Variants in RBM44 observed in about 807,000 individuals in gnomAD.
RBM44 encodes the protein RNA-binding protein 44.
In RBM44, 66 loss-of-function variants were observed where a neutral mutation model predicts 105.1. The ratio of observed to expected loss-of-function variants is 0.63; its 90% confidence interval spans 0.52 to 0.77. The LOEUF (loss-of-function observed/expected upper bound fraction) is 0.77. RBM44 is among the 30% of genes least tolerant of loss of function. The probability of loss-of-function intolerance (pLI) is 0.00; values close to 1 mark genes in which losing one functional copy is unlikely to be tolerated. For synonymous variants in RBM44, 365 were observed against 417.6 expected, an observed-to-expected ratio of 0.87 and a Z score of 1.54; for missense variants, 1,122 against 1,207.8, an observed-to-expected ratio of 0.93 and a Z score of 1.05.
At chr2:237,838,476 G>A (rs1287840447) in intron 15 of RBM44, among the ~76,000 whole-genome samples, 1 of 150,486 alleles carries the variant, frequency 6.6e-6, no homozygotes, top group Non-Finnish European at 1.5e-5. Context: ...TAAATATGTG[G>A]TAGGTCTCAA....
chr2:237,821,886 A>G, intron 8 of RBM44, 59 bp downstream of exon 8: 1 of 1,167,418 alleles, frequency 8.6e-7, no homozygotes, highest in Admixed American at 2.0e-5. Flanking sequence ...TACGTAAAGT[A>G]AATCATAATT....
intron 10 of RBM44, among the ~76,000 whole-genome samples, chr2:237,826,629 T>G (rs1398022240): frequency 6.6e-6 from 1 of 152,176 alleles, no homozygotes; most frequent in African/African-American, 2.4e-5. Context: ...GCATTAACAC[T>G]AGGGAGTTAA....
intron 13 of RBM44, among the ~76,000 whole-genome samples, chr2:237,833,632 C>A (rs1288155711): frequency 6.6e-6 from 1 of 152,142 alleles, no homozygotes; most frequent in African/African-American, 2.4e-5. Context: ...ATGAATGAAT[C>A]TCTCTCCTGT....
chr2:237,813,362 G>A (rs998891934), intron 1 of RBM44, among the ~76,000 whole-genome samples: 1 of 152,112 alleles, frequency 6.6e-6, no homozygotes, highest in Non-Finnish European at 1.5e-5. Context: ...TTTAGTAAGT[G>A]TACAAATTGT....
In RBM44 at chr2:237,834,101, G is replaced by A; in HGVS notation, c.2991G>A (p.Lys997=). ...PNTLNLRSFT[K]IIKRLAELHP... Reference sequence around the variant, plus strand: ...CATTGAACCTTCGTAGCTTTACCAAGATCATAAAGAGACTGGCTGAACTGC... The same window carrying A: ...CATTGAACCTTCGTAGCTTTACCAAAATCATAAAGAGACTGGCTGAACTGC... The change falls in exon 14 of 16, where the codon AAG becomes AAA. Residue 997 remains lysine (K), a synonymous_variant. Transcript: ENST00000316997. 1 of 1,581,508 alleles carries A rather than the reference G, an allele frequency of 6.3e-7. No homozygotes were observed. The highest frequency in any genetic ancestry group is 8.6e-7 in the Non-Finnish European group (1 of 1,161,918).
intron 10 of RBM44, 132 bp downstream of exon 10, chr2:237,824,551 A>G: frequency 2.8e-6 from 2 of 720,920 alleles, no homozygotes; most frequent in Admixed American, 6.4e-5. Flanking sequence ...TTCTTTATAA[A>G]TAAAAAAAGT....
Position 237,829,464 on chromosome 2 carries a change from G to T in RBM44, c.2848G>T (p.Gly950Cys). The T allele has an allele frequency of 4.3e-6, 7 of 1,613,584 alleles. No individual in the cohort carries two copies. The highest frequency in any genetic ancestry group is 5.9e-6 in the Non-Finnish European group (7 of 1,179,648). The change falls in exon 13 of 16, where the codon GGT (glycine) becomes TGT (cysteine). Residue 950 changes from glycine to cysteine, a missense_variant. By Grantham distance (159) the Gly-to-Cys change is radical. Transcript: ENST00000316997. ...GCCCAGAACTAGGCCACGGCAGCTGGGTTCTGAGCAAGACAGTGAGGTTTT... is the reference window on the plus strand; with the variant it reads ...GCCCAGAACTAGGCCACGGCAGCTGTGTTCTGAGCAAGACAGTGAGGTTTT... ...RLPRTRPRQLGSEQDSEVFPS... is the reference protein window; with the variant it reads ...RLPRTRPRQLCSEQDSEVFPS...
chr2:237,836,553 G>T (rs74381061), intron 15 of RBM44, among the ~76,000 whole-genome samples: 1 of 152,060 alleles, frequency 6.6e-6, no homozygotes, highest in Non-Finnish European at 1.5e-5. Context: ...AGGCCGAGGC[G>T]GGTGGATCAC....
chr2:237,838,641 G>T (rs2061981878), intron 15 of RBM44, among the ~76,000 whole-genome samples: 2 of 152,180 alleles, frequency 1.3e-5, no homozygotes, highest in South Asian at 2.1e-4. Context: ...CTGTGTTGGG[G>T]GTACTCAAGA....
chr2:237,803,245 C>T lies in RBM44; in HGVS notation c.-19+4384C>T, dbSNP rs1034090403. On this transcript the variant is annotated intron_variant, in intron 1 of 15. Coordinates refer to ENST00000316997, the MANE Select transcript of RBM44 (RefSeq NM_001080504.3). The surrounding 1 kb of genome is among the most constrained non-coding windows in gnomAD (Gnocchi z 4.2). The stretch of plus-strand genomic sequence containing the variant: ...TCACACCACTGCACTCCAGCCTGGG[C>T]GACAGAGCGAGACACACACACACAC... 1.3e-5 allele frequency among the ~76,000 whole-genome samples: 2 copies of T among 151,224 alleles called. No individual in the cohort carries two copies. The highest frequency in any genetic ancestry group is 2.9e-5 in the Non-Finnish European group (2 of 67,830).
chr2:237,819,349 C>A (rs1318193888), intron 4 of RBM44, among the ~76,000 whole-genome samples: 3 of 152,036 alleles, frequency 2.0e-5, no homozygotes, highest in Non-Finnish European at 2.9e-5. Flanking sequence ...GATTTTAACT[C>A]ATTGCATAAT....
intron 13 of RBM44, 39 bp downstream of exon 13, chr2:237,829,541 C>T (rs369729944): frequency 1.4e-5 from 21 of 1,523,692 alleles, no homozygotes; most frequent in African/African-American, 8.3e-5. Context: ...GGTCTTTGTA[C>T]GTCATATTGC....
chr2:237,831,247 G>T (rs868820428), intron 13 of RBM44, among the ~76,000 whole-genome samples: 2,788 of 136,828 alleles, frequency 0.02, 159 homozygotes, highest in African/African-American at 0.07. Context: ...TTTTTTTGGG[G>T]GGGGGGGGGT....
intron 8 of RBM44, among the ~76,000 whole-genome samples, chr2:237,822,166 C>T (rs2061799374): frequency 6.6e-6 from 1 of 151,968 alleles, no homozygotes; most frequent in Admixed American, 6.6e-5. Flanking sequence ...TCATGTGAAG[C>T]CAGTGCAATT....
At position 237,817,247 on chromosome 2, in the gene RBM44, A is replaced by C; in HGVS notation, c.328A>C (p.Lys110Gln). Residue 110 changes from lysine (K) to glutamine (Q), a missense_variant, in exon 3 of 16, where the codon AAA becomes CAA. Physicochemically the swap from Lys to Gln is moderately conservative, Grantham distance 53 (BLOSUM62 1). Transcript: ENST00000316997. ...EDSTDYAFLN[K>Q]TYSIPYSESK... is the part of the protein sequence containing the mutation. ...CAGTACTGACTATGCTTTCTTGAAT[A>C]AAACATATTCTATACCTTATTCAGA... 1 of 1,605,310 alleles carries C rather than the reference A, an allele frequency of 6.2e-7. No homozygotes were observed. Among genetic ancestry groups the C allele is most frequent in the Non-Finnish European group, 8.5e-7 (1 of 1,176,788 alleles).
At chr2:237,821,870 A>C (rs757207851) in intron 8 of RBM44, 43 bp downstream of exon 8, 1 of 1,297,370 alleles carries the variant, frequency 7.7e-7, no homozygotes, top group South Asian at 1.2e-5. Flanking sequence ...CTTTAAGTGT[A>C]TGGTTTACGT....
In RBM44 at chr2:237,818,633, T is replaced by C. The variant is rs1393037321; in HGVS notation, c.1677+37T>C. The C allele has an allele frequency of 7.3e-7, 1 of 1,369,344 alleles. No homozygotes were observed. Among genetic ancestry groups the C allele is most frequent in the East Asian group, 2.5e-5 (1 of 40,050 alleles). The allele number at this position is 1,369,344 out of a possible 1,614,324, so 84.8% of individuals were successfully genotyped here. On this transcript the variant is annotated intron_variant, in intron 3 of 15. Coordinates refer to ENST00000316997, the MANE Select transcript of RBM44 (RefSeq NM_001080504.3). This position sits in a 1 kb window ranked among gnomAD's most constrained non-coding sequence, Gnocchi z 4.6. The stretch of plus-strand genomic sequence containing the variant: ...ATGAGTAATAATAAAATTTGGACTT[T>C]ATAAAGAGACAGTGTATGCTAATGT...
At chr2:237,834,257 G>C in intron 14 of RBM44, 21 bp from the exon 15 acceptor site, 1 of 1,556,210 alleles carries the variant, frequency 6.4e-7, no homozygotes, top group Non-Finnish European at 8.7e-7. Flanking sequence ...AAATACTCAT[G>C]TATGTTTTCC....
intron 1 of RBM44, among the ~76,000 whole-genome samples, chr2:237,810,338 T>A (rs1158245878): frequency 1.3e-5 from 2 of 152,228 alleles, no homozygotes; most frequent in Non-Finnish European, 2.9e-5. Flanking sequence ...CAATATGCAT[T>A]CATTTTAACA....
Sources: allele counts gnomAD v4.1 joint callset (sites outside exome capture counted in the v4.1 genomes callset), GRCh38; gene constraint gnomAD v4.1.1; non-coding constraint Gnocchi (gnomAD v3.1); transcripts MANE v1.5; gene names NCBI Gene and HGNC (gene_info 2026-07-23, HGNC 2026-07-21).